HM13: variants seen among roughly 807,000 people sequenced by gnomAD.
The protein encoded by HM13 is signal peptide peptidase.
Under a neutral mutation model 50.0 loss-of-function variants are expected in HM13, and 18 were observed. The ratio of observed to expected loss-of-function variants is 0.36; its 90% confidence interval spans 0.25 to 0.53. The LOEUF is 0.53. Among genes scored for constraint, HM13 ranks in the 20% least tolerant of loss-of-function variants. HM13 has a pLI of 0.90. For missense variants in HM13, 393 were observed against 552.4 expected (o/e 0.71, Z 2.89); for synonymous variants, 197 against 232.6 (o/e 0.85, Z 1.39).
In HM13 at chr20:31,568,129, C is replaced by T. The variant is rs1985034026; in HGVS notation, c.1086C>T (p.Phe362=). 1 of 1,613,350 alleles carries T rather than the reference C, an allele frequency of 6.2e-7. No individual in the cohort carries two copies. Among genetic ancestry groups the T allele is most frequent in the Non-Finnish European group, 8.5e-7 (1 of 1,179,904 alleles). Residue 362 remains phenylalanine, a synonymous_variant, in exon 12 of 13, where the codon TTC becomes TTT. Transcript: ENST00000398174. ...ILPHTPRLTH[F]PTVSGSPASL... is the part of the protein sequence containing the mutation. ...CTCATACCCCGAGGCTCACCCACTT[C>T]CCCACAGTCTCGGGCTCCCCAGCCA...
chr20:31,568,238 G>A lies in HM13; in HGVS notation c.1181+14G>A. On this transcript the variant is annotated intron_variant, in intron 12 of 12. Transcript: ENST00000398174. ...TCCCAGCGCCATGTAATGCCCAGCG[G>A]GTGCCCACCTGCCCGCTTCCCCCTA... is the stretch of plus-strand genomic sequence containing the variant. The A allele has an allele frequency of 1.9e-6, 3 of 1,610,610 alleles. No individual in the cohort carries two copies. The highest frequency in any genetic ancestry group is 2.5e-6 in the Non-Finnish European group (3 of 1,178,840).
At chr20:31,529,244 G>GTTTGT (rs1315775799) in intron 2 of HM13, among the ~76,000 whole-genome samples, 2 of 151,574 alleles carry the variant, frequency 1.3e-5, no homozygotes, top group African/African-American at 2.4e-5. Context: ...CCCTTGTTTT[G>GTTTGT]TTTGTTTTGT....
intron 7 of HM13, 39 bp downstream of exon 7, chr20:31,550,160 C>A (rs374885732): frequency 2.0e-6 from 3 of 1,533,352 alleles, no homozygotes; most frequent in Non-Finnish European, 2.7e-6. Flanking sequence ...CCTTCCCCCA[C>A]CCCTGCCGGG....
intron 3 of HM13, 137 bp downstream of exon 3, chr20:31,538,398 C>T (rs1983244112): frequency 2.6e-6 from 4 of 1,539,348 alleles, no homozygotes; most frequent in Non-Finnish European, 3.5e-6. Flanking sequence ...GACTCTTTCC[C>T]CTGCACACTG....
intron 1 of HM13, among the ~76,000 whole-genome samples, chr20:31,518,519 G>A (rs1385403106): frequency 2.6e-5 from 4 of 151,184 alleles, no homozygotes; most frequent in East Asian, 2.0e-4. Flanking sequence ...GGTGGGGCAC[G>A]CCTGTAATCC....
chr20:31,543,634 T>C (rs1983565247), intron 3 of HM13, among the ~76,000 whole-genome samples: 1 of 151,788 alleles, frequency 6.6e-6, no homozygotes, highest in Non-Finnish European at 1.5e-5. Flanking sequence ...CCAGGGTCTT[T>C]AAAGAGAGTT....
At chr20:31,522,272 C>G (rs6120607) in intron 1 of HM13, among the ~76,000 whole-genome samples, 47,246 of 152,006 alleles carry the variant, frequency 0.31, 12,168 homozygotes, top group African/African-American at 0.71. Context: ...ACACAAAGCA[C>G]ACTCCTCAAG....
In HM13 at chr20:31,533,273, C is replaced by A. The variant is rs1254571621; in HGVS notation, c.283-4906C>A. On this transcript the variant is annotated intron_variant, in intron 2 of 12. Coordinates refer to ENST00000398174, the MANE Select transcript of HM13 (RefSeq NM_178581.3). ...ATCCCAACGCTTTGGGAGGCCGAGG[C>A]GGGCAGATCACCTGAGGTCAGGAGA... Among the ~76,000 whole-genome samples, 5 of 152,220 alleles carry A rather than the reference C, an allele frequency of 3.3e-5. No homozygotes were observed. In the East Asian group the frequency reaches 9.6e-4, roughly 29 times the overall value.
At chr20:31,546,044 CTTTTTTTTT>C (rs35862306) in intron 4 of HM13, among the ~76,000 whole-genome samples, 1 of 103,238 alleles carries the variant, frequency 9.7e-6, no homozygotes, top group Non-Finnish European at 1.8e-5. Flanking sequence ...AAATCTAGCA[CTTTTTTTTT>C]TTTTTTTTTT....
rs149629751 is a variant in HM13, at chr20:31,565,277, G to A, written c.949-933G>A. ...GTGGATCACCTGAGGTCAGGAGTTC[G>A]AGACCACCATGGCGAACGTGGTGAA... On this transcript the variant is annotated intron_variant, in intron 10 of 12. Transcript: ENST00000398174. Among the ~76,000 whole-genome samples, 575 of 151,638 alleles carry A rather than the reference G, an allele frequency of 3.8e-3. 5 individuals are homozygous for A. Among genetic ancestry groups the A allele is most frequent in the African/African-American group, 0.013 (529 of 41,316 alleles).
chr20:31,518,062 T>G (rs1981908035), intron 1 of HM13, among the ~76,000 whole-genome samples: 1 of 150,310 alleles, frequency 6.7e-6, no homozygotes, highest in African/African-American at 2.4e-5. Context: ...TGAGATGGAG[T>G]TTCACTCTTG....
At chr20:31,527,890 A>T in intron 2 of HM13, 1 of 232,176 alleles carries the variant, frequency 4.3e-6, no homozygotes, top group Non-Finnish European at 8.1e-6. Context: ...CTACCATACT[A>T]ATGGCCTTTT....
intron 9 of HM13, among the ~76,000 whole-genome samples, 185 bp from the exon 10 acceptor site, chr20:31,561,449 C>A (rs932506623): frequency 1.3e-5 from 2 of 152,212 alleles, no homozygotes; most frequent in Non-Finnish European, 2.9e-5. Context: ...AGAAGGAAAG[C>A]AACTTGTCCA....
At chr20:31,532,436 A>T (rs1304281407) in intron 2 of HM13, among the ~76,000 whole-genome samples, 1 of 152,092 alleles carries the variant, frequency 6.6e-6, no homozygotes, top group Non-Finnish European at 1.5e-5. Context: ...AACAAAACAA[A>T]CAAACAAACA....
At chr20:31,525,243 T>A (rs1199145886) in intron 1 of HM13, among the ~76,000 whole-genome samples, 3 of 152,094 alleles carry the variant, frequency 2.0e-5, no homozygotes, top group African/African-American at 7.2e-5. Context: ...CACCTCCCTC[T>A]CCTAGTAGTC....
At chr20:31,547,285 C>A in intron 4 of HM13, 1 of 239,956 alleles carries the variant, frequency 4.2e-6, no homozygotes, top group Non-Finnish European at 8.1e-6. Flanking sequence ...GAAGGAACAG[C>A]GGGCCAAGCG....
intron 2 of HM13, chr20:31,535,156 G>A (rs965639694): frequency 1.3e-5 from 2 of 151,902 alleles, no homozygotes; most frequent in Admixed American, 6.6e-5. Flanking sequence ...CTATTTGTGG[G>A]GATGTTGAGG....
At chr20:31,568,385 C>A in intron 12 of HM13, 161 bp downstream of exon 12, 1 of 1,080,490 alleles carries the variant, frequency 9.3e-7, no homozygotes, top group Non-Finnish European at 1.3e-6. Context: ...TGCACCGAGC[C>A]ATAGGGCTGG....
intron 2 of HM13, among the ~76,000 whole-genome samples, chr20:31,529,164 G>A (rs1161406590): frequency 6.6e-6 from 1 of 152,078 alleles, no homozygotes; most frequent in Non-Finnish European, 1.5e-5. Context: ...TTACTATGTT[G>A]CCCAGGCTGG....
Sources: gnomAD v4.1 joint callset for allele counts (sites outside exome capture counted in the v4.1 genomes callset) on GRCh38, gnomAD v4.1.1 for gene constraint, MANE v1.5 for transcripts, NCBI Gene and HGNC (gene_info 2026-07-23, HGNC 2026-07-21) for gene names.